The following ITGA11 variants were observed in gnomAD, a reference collection of about 807,000 sequenced individuals.
ITGA11 encodes integrin subunit alpha 11, also known as integrin alpha-11.
Under a neutral mutation model 141.9 loss-of-function variants are expected in ITGA11, and 97 were observed. That is an observed-to-expected ratio of 0.68 (90% CI 0.58 to 0.81). The LOEUF (loss-of-function observed/expected upper bound fraction) is 0.81, where lower values mean the gene tolerates loss of function less well. ITGA11 is among the 30% of genes least tolerant of loss of function. The pLI is 0.00. For synonymous variants in ITGA11, 658 were observed against 624.6 expected (o/e 1.05, Z -0.80); for missense variants, 1,387 against 1,559.2 (o/e 0.89, Z 1.86).
chr15:68,359,999 G>T (rs1464072540), intron 5 of ITGA11, among the ~76,000 whole-genome samples: 4 of 152,226 alleles, frequency 2.6e-5, no homozygotes, highest in African/African-American at 4.8e-5. Context: ...AGGAAGGTGG[G>T]GGTGGCTTTG....
At chr15:68,309,546 T>C (rs4777034) in intron 26 of ITGA11, among the ~76,000 whole-genome samples, 100,345 of 150,834 alleles carry the variant, frequency 0.67, 33,847 homozygotes, top group East Asian at 0.93. Context: ...AGTCCATTCT[T>C]AAATGACTAA....
intron 2 of ITGA11, among the ~76,000 whole-genome samples, chr15:68,383,720 C>T (rs189097406): frequency 1.3e-3 from 195 of 152,352 alleles, no homozygotes; most frequent in African/African-American, 4.5e-3. Flanking sequence ...TAGAAAGCCA[C>T]TCTCAAGATA....
At chr15:68,362,727 AATGGATAATGG>A (rs1895285443) in intron 4 of ITGA11, among the ~76,000 whole-genome samples, 1 of 152,150 alleles carries the variant, frequency 6.6e-6, no homozygotes, top group Non-Finnish European at 1.5e-5. Context: ...CAGATAGATG[AATGGATAATGG>A]ATGGATGATG....
chr15:68,377,289 T>G (rs1446010006), intron 2 of ITGA11, among the ~76,000 whole-genome samples: 1 of 152,198 alleles, frequency 6.6e-6, no homozygotes, highest in African/African-American at 2.4e-5. Flanking sequence ...TTTGTTTTTT[T>G]GAGACAGAGT....
intron 2 of ITGA11, among the ~76,000 whole-genome samples, chr15:68,380,005 G>A (rs7170403): frequency 0.1 from 15,493 of 152,174 alleles, 1,375 homozygotes; most frequent in African/African-American, 0.24. Context: ...AATGTGGCCA[G>A]TGAGGTGTAC....
At chr15:68,425,451 A>G (rs1185497755) in intron 1 of ITGA11, among the ~76,000 whole-genome samples, 1 of 152,200 alleles carries the variant, frequency 6.6e-6, no homozygotes, top group Non-Finnish European at 1.5e-5. Context: ...ATGGGACTTT[A>G]TTATGGCCAC....
At position 68,310,234 on chromosome 15, in the gene ITGA11, G is replaced by A. The variant is rs958720306; in HGVS notation, c.3174+760C>T. 3.9e-5 allele frequency among the ~76,000 whole-genome samples: 6 copies of A among 152,170 alleles called. No individual in the cohort carries two copies. In the East Asian group the frequency reaches 5.8e-4, roughly 15 times the overall value. On this transcript the variant is annotated intron_variant, in intron 26 of 29. Coordinates refer to ENST00000315757, the MANE Select transcript of ITGA11 (RefSeq NM_001004439.2). Reference sequence around the variant, plus strand: ...ATAAGGATTAAGTGGAGAAACTAACGTTAATGGGAAACCCAAACAAATCTT... The same window carrying A: ...ATAAGGATTAAGTGGAGAAACTAACATTAATGGGAAACCCAAACAAATCTT...
At chr15:68,332,563 C>T (rs1165900287) in intron 12 of ITGA11, 85 bp from the exon 13 acceptor site, 1 of 1,470,446 alleles carries the variant, frequency 6.8e-7, no homozygotes, top group Non-Finnish European at 9.1e-7. Flanking sequence ...AGAGGGAAGC[C>T]AAGGTCATCC....
At chr15:68,310,947 C>T (rs770905276) in intron 26 of ITGA11, 47 bp downstream of exon 26, 11 of 1,451,332 alleles carry the variant, frequency 7.6e-6, no homozygotes, top group South Asian at 3.6e-5. Flanking sequence ...ACCGGCGGCA[C>T]GCCTCTAACC....
intron 3 of ITGA11, among the ~76,000 whole-genome samples, chr15:68,366,195 C>T (rs538369877): frequency 2.6e-5 from 4 of 152,234 alleles, no homozygotes; most frequent in African/African-American, 4.8e-5. Flanking sequence ...AGTAAAGCCC[C>T]GGTGTTTCTG....
Position 68,303,822 on chromosome 15 carries a change from T to C in ITGA11, c.3445A>G (p.Thr1149Ala), listed in dbSNP as rs1218779747. Residue 1149 changes from threonine (T) to alanine (A), a missense_variant, in exon 29 of 30, where the codon ACC (threonine) becomes GCC (alanine). Transcript: ENST00000315757. The surrounding 1 kb of genome is among the most constrained non-coding windows in gnomAD (Gnocchi z 5.3). ...GCCAGCAGTAGGAGGCCCCCCAGGG[T>C]GCTGCCTACAATGATCCAGATGGGG... ...QVPIWIIVGS[T>A]LGGLLLLALL... is the part of the protein sequence containing the mutation. 4 of 1,612,932 alleles carry C rather than the reference T, an allele frequency of 2.5e-6. No homozygotes were observed. Among genetic ancestry groups the C allele is most frequent in the Non-Finnish European group, 3.4e-6 (4 of 1,179,428 alleles).
chr15:68,316,400 G>T lies in ITGA11; in HGVS notation c.2716-673C>A, dbSNP rs972296414. ...GAGGCTTTGCACAGACCCCTGATGC[G>T]CTCCCTGGTCTCACCCTCACGAGGT... On this transcript the variant is annotated intron_variant, in intron 21 of 29. Coordinates refer to ENST00000315757, the MANE Select transcript of ITGA11 (RefSeq NM_001004439.2). Among the ~76,000 whole-genome samples the T allele has an allele frequency of 3.9e-5, 6 of 152,334 alleles. No homozygotes were observed. The East Asian group carries it at 5.8e-4, about 15-fold the overall frequency.
chr15:68,384,125 G>A (rs925622803), intron 2 of ITGA11, among the ~76,000 whole-genome samples: 2 of 152,092 alleles, frequency 1.3e-5, no homozygotes, highest in Admixed American at 6.5e-5. Context: ...TGGCCCTGAG[G>A]ACTGGCCTTA....
chr15:68,385,019 T>G (rs1407303945), intron 2 of ITGA11, among the ~76,000 whole-genome samples: 1 of 152,226 alleles, frequency 6.6e-6, no homozygotes, highest in Non-Finnish European at 1.5e-5. Flanking sequence ...CATAGGCCAG[T>G]GTAGGGAACT....
intron 1 of ITGA11, among the ~76,000 whole-genome samples, chr15:68,407,647 GA>G (rs534010419): frequency 2.0e-5 from 3 of 152,210 alleles, no homozygotes; most frequent in East Asian, 3.9e-4. Context: ...GACAGAGGGG[GA>G]AAAAAACCAC....
At chr15:68,315,545 G>A in intron 22 of ITGA11, 106 bp downstream of exon 22, 2 of 960,312 alleles carry the variant, frequency 2.1e-6, no homozygotes, top group Non-Finnish European at 3.3e-6. Flanking sequence ...TGGGGGACAG[G>A]GCGTGGGGCA....
chr15:68,411,852 C>T (rs1321670567), intron 1 of ITGA11, among the ~76,000 whole-genome samples: 1 of 152,146 alleles, frequency 6.6e-6, no homozygotes, highest in Non-Finnish European at 1.5e-5. Flanking sequence ...CTTGCTGGCA[C>T]TTCTGGCAGC....
At position 68,305,564 on chromosome 15, in the gene ITGA11, G is replaced by A. The variant is rs1893164777; in HGVS notation, c.3382-1679C>T. Among the ~76,000 whole-genome samples, 1 of 152,218 alleles carries A rather than the reference G, an allele frequency of 6.6e-6. No homozygotes were observed. Among genetic ancestry groups the A allele is most frequent in the Admixed American group, 6.5e-5 (1 of 15,278 alleles). ...GCAACAGCAGACAGAGCCATGTGGAGTGAATGGACCACCTGCAACAGCAGA... is the reference window on the plus strand; with the variant it reads ...GCAACAGCAGACAGAGCCATGTGGAATGAATGGACCACCTGCAACAGCAGA... On this transcript the variant is annotated intron_variant, in intron 28 of 29. Transcript: ENST00000315757. The surrounding 1 kb of genome is among the most constrained non-coding windows in gnomAD (Gnocchi z 4.6).
intron 1 of ITGA11, among the ~76,000 whole-genome samples, chr15:68,416,556 AT>A (rs1176048694): frequency 9.9e-5 from 15 of 152,214 alleles, no homozygotes; most frequent in African/African-American, 3.1e-4. Context: ...ACTGACTGTA[AT>A]TAACATTATT....
Sources: gnomAD v4.1 joint callset for allele counts (sites outside exome capture counted in the v4.1 genomes callset) on GRCh38, gnomAD v4.1.1 for gene constraint, Gnocchi (gnomAD v3.1) non-coding constraint, MANE v1.5 for transcripts, NCBI Gene and HGNC (gene_info 2026-07-23, HGNC 2026-07-21) for gene names.